Variants in MAP2K5 observed in about 807,000 individuals in gnomAD.
MAP2K5 encodes the protein dual specificity mitogen-activated protein kinase kinase 5.
In MAP2K5, 49 loss-of-function variants were observed where a neutral mutation model predicts 83.1. That is an observed-to-expected ratio of 0.59 (90% CI 0.47 to 0.75). The LOEUF (loss-of-function observed/expected upper bound fraction) is 0.75. MAP2K5 is among the 30% of genes least tolerant of loss of function. The pLI is 0.00. For synonymous variants in MAP2K5, 202 were observed against 191.8 expected, an observed-to-expected ratio of 1.05 and a Z score of -0.44; for missense variants, 457 against 557.5, an observed-to-expected ratio of 0.82 and a Z score of 1.82.
rs1202354871 is a variant in MAP2K5 at position 67,563,015 on chromosome 15, C to A, written c.185-268C>A. ...TAACCAAACCTGTTTTGTCATACTC[C>A]AGTTATATTTACTTTAACCTAGAGA... On this transcript the variant is annotated intron_variant, in intron 2 of 21. Transcript: ENST00000178640. This position sits in a 1 kb window ranked among gnomAD's most constrained non-coding sequence, Gnocchi z 4.5. 6.6e-6 allele frequency among the ~76,000 whole-genome samples: 1 copy of A among 152,068 alleles called. No homozygotes were observed. The highest frequency in any genetic ancestry group is 2.4e-5 in the African/African-American group (1 of 41,390).
chr15:67,594,834 C>T (rs948088600), intron 7 of MAP2K5, among the ~76,000 whole-genome samples: 1 of 152,080 alleles, frequency 6.6e-6, no homozygotes, highest in African/African-American at 2.4e-5. Context: ...AAAAAACCCA[C>T]CTTTGGAAGC....
Position 67,676,284 on chromosome 15 carries a change from T to C in MAP2K5, c.847+11639T>C, listed in dbSNP as rs2087682321. On this transcript the variant is annotated intron_variant, in intron 13 of 21. Transcript: ENST00000178640. This position sits in a 1 kb window ranked among gnomAD's most constrained non-coding sequence, Gnocchi z 4.8. The stretch of plus-strand genomic sequence containing the variant: ...TCTGTTGGTAGAGGAGTTTATGGCA[T>C]TGATTGTATGCCAGTGGATATTTGT... 6.6e-6 allele frequency among the ~76,000 whole-genome samples: 1 copy of C among 152,222 alleles called. No homozygotes were observed. The highest frequency in any genetic ancestry group is 1.5e-5 in the Non-Finnish European group (1 of 68,040).
At chr15:67,694,281 G>A (rs1306691514) in intron 15 of MAP2K5, among the ~76,000 whole-genome samples, 1 of 152,012 alleles carries the variant, frequency 6.6e-6, no homozygotes, top group East Asian at 1.9e-4. Flanking sequence ...AACTTATCTA[G>A]TATTAATTTT....
At chr15:67,776,969 C>G (rs185269154) in intron 21 of MAP2K5, among the ~76,000 whole-genome samples, 35 of 152,270 alleles carry the variant, frequency 2.3e-4, no homozygotes, top group East Asian at 1.9e-3. Context: ...AAATTACATC[C>G]GAAGTTATCT....
chr15:67,562,334 C>T lies in MAP2K5; in HGVS notation c.185-949C>T, dbSNP rs2084753873. On this transcript the variant is annotated intron_variant, in intron 2 of 21. Coordinates refer to ENST00000178640, the MANE Select transcript of MAP2K5 (RefSeq NM_145160.3). The surrounding 1 kb of genome is among the most constrained non-coding windows in gnomAD (Gnocchi z 4.1). ...TTGGCAGATGATGTGGGTAAGTGAT[C>T]AGGCCAACAATTTCATTTTGGGTTA... is the stretch of plus-strand genomic sequence containing the variant. Among the ~76,000 whole-genome samples, 1 of 152,192 alleles carries T rather than the reference C, an allele frequency of 6.6e-6. No homozygotes were observed. Among genetic ancestry groups the T allele is most frequent in the Admixed American group, 6.5e-5 (1 of 15,278 alleles).
Position 67,703,428 on chromosome 15 carries a change from A to G in MAP2K5, c.1044+20A>G, listed in dbSNP as rs2088470558. 6.3e-7 allele frequency: 1 copy of G among 1,577,244 alleles called. No homozygotes were observed. Among genetic ancestry groups the G allele is most frequent in the South Asian group, 1.1e-5 (1 of 90,140 alleles). ...ATGGAGGTACGTTGTTTGCACATAG[A>G]CGCTTCTGTGCATATCTGTACTAAT... On this transcript the variant is annotated intron_variant, in intron 16 of 21. Transcript: ENST00000178640.
At chr15:67,763,949 C>T (rs2141293106) in intron 19 of MAP2K5, among the ~76,000 whole-genome samples, 1 of 152,316 alleles carries the variant, frequency 6.6e-6, no homozygotes, top group Non-Finnish European at 1.5e-5. Context: ...GAACGTCAGA[C>T]ATGAATTAAA....
chr15:67,597,286 A>G (rs1027217300), intron 7 of MAP2K5, among the ~76,000 whole-genome samples: 8 of 152,074 alleles, frequency 5.3e-5, no homozygotes, highest in African/African-American at 1.7e-4. Context: ...TTTTCTTCTT[A>G]AAAACTAACA....
At chr15:67,727,391 T>A (rs2141247433) in intron 16 of MAP2K5, among the ~76,000 whole-genome samples, 1 of 152,258 alleles carries the variant, frequency 6.6e-6, no homozygotes, top group South Asian at 2.1e-4. Flanking sequence ...GAAATGGCCA[T>A]TTTTCCCACT....
rs72106715 is a variant in MAP2K5, at chr15:67,711,671, G to GCACACA, written c.1044+8280_1044+8285dup. Among the ~76,000 whole-genome samples the GCACACA allele has an allele frequency of 7.4e-4, 111 of 150,996 alleles. 1 individual carries two copies. Among genetic ancestry groups the GCACACA allele is most frequent in the African/African-American group, 2.6e-3 (108 of 41,236 alleles). On this transcript the variant is annotated intron_variant, in intron 16 of 21. Transcript: ENST00000178640. ...TACACACGCACACACAGGCGTGCACGCACACACACACACACACACACAAAA... is the reference window on the plus strand; with the variant it reads ...TACACACGCACACACAGGCGTGCACGCACACACACACACACACACACACACACAAAA...
chr15:67,590,442 C>CTCTCTCTCTCTCTCTCT (rs2085377738), intron 6 of MAP2K5, among the ~76,000 whole-genome samples: 17 of 5,834 alleles, frequency 2.9e-3, no homozygotes, highest in African/African-American at 6.4e-3. Context: ...TCTCTCCCTC[C>CTCTCTCTCTCTCTCTCT]CTCCCTCTCT....
In MAP2K5 at chr15:67,793,760, C is replaced by T. The variant is rs150717460; in HGVS notation, c.1243-12886C>T. On this transcript the variant is annotated intron_variant, in intron 21 of 21. Coordinates refer to ENST00000178640, the MANE Select transcript of MAP2K5 (RefSeq NM_145160.3). The surrounding 1 kb of genome is among the most constrained non-coding windows in gnomAD (Gnocchi z 4.6). ...GTATAGAAAATATACTCTTTGATCACGTTGTATATAAATGTCCAAGTTTGA... is the reference window on the plus strand; with the variant it reads ...GTATAGAAAATATACTCTTTGATCATGTTGTATATAAATGTCCAAGTTTGA... 1.1e-4 allele frequency among the ~76,000 whole-genome samples: 16 copies of T among 152,196 alleles called. No individual in the cohort carries two copies. The East Asian group carries it at 2.9e-3, about 28-fold the overall frequency.
rs2090212938 is a variant in MAP2K5, at chr15:67,775,069, T to G, written c.1242+2317T>G. 6.6e-6 allele frequency among the ~76,000 whole-genome samples: 1 copy of G among 152,216 alleles called. No homozygotes were observed. Among genetic ancestry groups the G allele is most frequent in the Admixed American group, 6.5e-5 (1 of 15,284 alleles). On this transcript the variant is annotated intron_variant, in intron 21 of 21. Coordinates refer to ENST00000178640, the MANE Select transcript of MAP2K5 (RefSeq NM_145160.3). The surrounding 1 kb of genome is among the most constrained non-coding windows in gnomAD (Gnocchi z 5.3). ...GTAGGACTGGTGGGCTAGATCACCC[T>G]TACTCCTGGGTCTGGGCCATGCAGA...
chr15:67,698,911 T>G lies in MAP2K5; in HGVS notation c.973-4426T>G, dbSNP rs966253848. On this transcript the variant is annotated intron_variant, in intron 15 of 21. Transcript: ENST00000178640. This position sits in a 1 kb window ranked among gnomAD's most constrained non-coding sequence, Gnocchi z 4.5. ...GCACATTACGGGATTCATTTAATCT[T>G]CACACAACCCCAGGAGGTATACGTA... 6.6e-6 allele frequency among the ~76,000 whole-genome samples: 1 copy of G among 152,218 alleles called. No homozygotes were observed. Among genetic ancestry groups the G allele is most frequent in the Non-Finnish European group, 1.5e-5 (1 of 68,038 alleles).
rs1461675381 is a variant in MAP2K5, at chr15:67,786,765, T to TA, written c.1242+14014dup. Among the ~76,000 whole-genome samples the TA allele has an allele frequency of 2.0e-5, 3 of 152,164 alleles. No individual in the cohort carries two copies. Among genetic ancestry groups the TA allele is most frequent in the African/African-American group, 7.2e-5 (3 of 41,432 alleles). On this transcript the variant is annotated intron_variant, in intron 21 of 21. Transcript: ENST00000178640. This position sits in a 1 kb window ranked among gnomAD's most constrained non-coding sequence, Gnocchi z 4.7. ...ACCTCTAGTTGCTTATCTACAAAAA[T>TA]AGAGTATCGCAAAGCATGAAATTTA...
chr15:67,737,384 T>G (rs1409594610), intron 17 of MAP2K5, among the ~76,000 whole-genome samples: 4 of 152,296 alleles, frequency 2.6e-5, no homozygotes, highest in Non-Finnish European at 5.9e-5. Flanking sequence ...GCTTCCAAGT[T>G]AAAAAGGGGA....
rs747756174 is a variant in MAP2K5, at chr15:67,552,864, A to G, written c.184+2782A>G. Among the ~76,000 whole-genome samples the G allele has an allele frequency of 2.6e-5, 4 of 152,198 alleles. No homozygotes were observed. Among genetic ancestry groups the G allele is most frequent in the Non-Finnish European group, 4.4e-5 (3 of 68,038 alleles). On this transcript the variant is annotated intron_variant, in intron 2 of 21. Coordinates refer to ENST00000178640, the MANE Select transcript of MAP2K5 (RefSeq NM_145160.3). The surrounding 1 kb of genome is among the most constrained non-coding windows in gnomAD (Gnocchi z 4.2). ...TTCTGGAGTAGTTTCCAGAGTGTATATTCTCAACCACTGTACTGGACTTGT... is the reference window on the plus strand; with the variant it reads ...TTCTGGAGTAGTTTCCAGAGTGTATGTTCTCAACCACTGTACTGGACTTGT...
chr15:67,640,712 A>C lies in MAP2K5; in HGVS notation c.586-5519A>C. 42 of 325,490 alleles carry C rather than the reference A, an allele frequency of 1.3e-4. No individual in the cohort carries two copies. Among genetic ancestry groups the C allele is most frequent in the Non-Finnish European group, 1.6e-4 (37 of 226,780 alleles). The allele number at this position is 325,490 out of a possible 1,614,324, so 20.2% of individuals were successfully genotyped here. On this transcript the variant is annotated intron_variant, in intron 9 of 21. Transcript: ENST00000178640. This position sits in a 1 kb window ranked among gnomAD's most constrained non-coding sequence, Gnocchi z 4.6. The stretch of plus-strand genomic sequence containing the variant: ...GCTTTTCCTACTCAAAATGTTTCTC[A>C]TGTTATGCTTCTAAATGTTCTTATT...
At position 67,746,779 on chromosome 15, in the gene MAP2K5, A is replaced by G. The variant is rs768926093; in HGVS notation, c.1075-1452A>G. 8.5e-5 allele frequency among the ~76,000 whole-genome samples: 13 copies of G among 152,228 alleles called. No individual in the cohort carries two copies. The highest frequency in any genetic ancestry group is 1.4e-4 in the African/African-American group (6 of 41,444). ...TTGGGGAGGAAGTGATGAAAAGCCA[A>G]TAAGAGCAATGAGTGGGCGCCGTGT... On this transcript the variant is annotated intron_variant, in intron 17 of 21. Coordinates refer to ENST00000178640, the MANE Select transcript of MAP2K5 (RefSeq NM_145160.3). This position sits in a 1 kb window ranked among gnomAD's most constrained non-coding sequence, Gnocchi z 4.1.
Sources: allele counts gnomAD v4.1 joint callset (sites outside exome capture counted in the v4.1 genomes callset), GRCh38; gene constraint gnomAD v4.1.1; non-coding constraint Gnocchi (gnomAD v3.1); transcripts MANE v1.5; gene names NCBI Gene and HGNC (gene_info 2026-07-23, HGNC 2026-07-21).